CAMKMT: variants seen among roughly 807,000 people sequenced by gnomAD.
CAMKMT encodes the protein CaM KMT.
In CAMKMT, 53 loss-of-function variants were observed where a neutral mutation model predicts 48.0. That is an observed-to-expected ratio of 1.10 (90% CI 0.89 to 1.39). The LOEUF (loss-of-function observed/expected upper bound fraction) is 1.39, where lower values mean the gene tolerates loss of function less well. Among genes scored for constraint, CAMKMT ranks in the 40% most tolerant of loss-of-function variants. The pLI, the probability that CAMKMT is intolerant of heterozygous loss-of-function variation, is 0.00. For missense variants in CAMKMT, 428 were observed against 402.7 expected (o/e 1.06, Z -0.54); for synonymous variants, 165 against 152.3 (o/e 1.08, Z -0.61).
intron 7 of CAMKMT, among the ~76,000 whole-genome samples, chr2:44,730,525 G>A (rs1679025763): frequency 6.6e-6 from 1 of 152,198 alleles, no homozygotes; most frequent in African/African-American, 2.4e-5. Context: ...AACATTTATA[G>A]ACAGACGACT....
chr2:44,362,761 C>G (rs1177818916), intron 1 of CAMKMT, among the ~76,000 whole-genome samples: 1 of 152,206 alleles, frequency 6.6e-6, no homozygotes, highest in East Asian at 1.9e-4. Context: ...CCAAGGTGGG[C>G]TAGTCAAAGT....
chr2:44,373,960 CA>C (rs11324956), intron 2 of CAMKMT, among the ~76,000 whole-genome samples: 80,280 of 151,060 alleles, frequency 0.53, 23,550 homozygotes, highest in Non-Finnish European at 0.66. Context: ...CCCACCTTTA[CA>C]AAAAATACAA....
At chr2:44,466,887 C>A (rs183352198) in intron 3 of CAMKMT, among the ~76,000 whole-genome samples, 1 of 152,256 alleles carries the variant, frequency 6.6e-6, no homozygotes, top group East Asian at 1.9e-4. Context: ...AATTACACAG[C>A]AACACATTTG....
chr2:44,598,471 T>C (rs1670798206), intron 3 of CAMKMT, among the ~76,000 whole-genome samples: 1 of 151,694 alleles, frequency 6.6e-6, no homozygotes, highest in Admixed American at 6.6e-5. Flanking sequence ...CACTGTGCAT[T>C]TTTTTTACTT....
At chr2:44,771,929 C>A in intron 10 of CAMKMT, 107 bp from the exon 11 acceptor site, 2 of 694,526 alleles carry the variant, frequency 2.9e-6, no homozygotes. Flanking sequence ...TTTTCCAGAA[C>A]TATATATTTT....
intron 3 of CAMKMT, among the ~76,000 whole-genome samples, chr2:44,471,492 A>G (rs964661989): frequency 2.6e-5 from 4 of 151,844 alleles, no homozygotes; most frequent in African/African-American, 7.3e-5. Flanking sequence ...CCCAGTTACT[A>G]GGGAGGTTGA....
At chr2:44,486,454 T>A (rs1489902762) in intron 3 of CAMKMT, among the ~76,000 whole-genome samples, 1 of 152,326 alleles carries the variant, frequency 6.6e-6, no homozygotes, top group East Asian at 1.9e-4. Flanking sequence ...CAGTCTGGAA[T>A]GTGGATAAGA....
chr2:44,445,402 T>C (rs997823344), intron 3 of CAMKMT, among the ~76,000 whole-genome samples: 2 of 152,100 alleles, frequency 1.3e-5, no homozygotes, highest in African/African-American at 2.4e-5. Context: ...TGAGTAGCCA[T>C]TCATCTTCAG....
At chr2:44,469,193 A>T (rs889539849) in intron 3 of CAMKMT, among the ~76,000 whole-genome samples, 1 of 152,214 alleles carries the variant, frequency 6.6e-6, no homozygotes, top group Non-Finnish European at 1.5e-5. Context: ...TGATTTGATC[A>T]TTACACATTG....
intron 3 of CAMKMT, among the ~76,000 whole-genome samples, chr2:44,577,326 A>G (rs1378135394): frequency 6.6e-6 from 1 of 152,226 alleles, no homozygotes; most frequent in Admixed American, 6.5e-5. Flanking sequence ...ACCTGCATGC[A>G]GCAAGCCATA....
chr2:44,756,599 A>G (rs930662121), intron 9 of CAMKMT, among the ~76,000 whole-genome samples: 19 of 152,070 alleles, frequency 1.2e-4, no homozygotes, highest in African/African-American at 4.6e-4. Flanking sequence ...AAAATTAGCC[A>G]GGCGTGGTGG....
chr2:44,387,991 T>G lies in CAMKMT; in HGVS notation c.312-2250T>G, dbSNP rs146274719. 2.8e-4 allele frequency among the ~76,000 whole-genome samples: 43 copies of G among 152,334 alleles called. No homozygotes were observed. The East Asian group carries it at 6.9e-3, about 25-fold the overall frequency. On this transcript the variant is annotated intron_variant, in intron 2 of 10. Coordinates refer to ENST00000378494, the MANE Select transcript of CAMKMT (RefSeq NM_024766.5). ...TTTCCTTCATCTTAACTTTTGATAA[T>G]CGATGGCAGTGTGCCTGGGTGATGA...
intron 3 of CAMKMT, among the ~76,000 whole-genome samples, chr2:44,610,952 T>A (rs1671564156): frequency 6.6e-6 from 1 of 152,104 alleles, no homozygotes; most frequent in Non-Finnish European, 1.5e-5. Context: ...ATTTAACAAA[T>A]TGGGCCCAAG....
intron 3 of CAMKMT, among the ~76,000 whole-genome samples, chr2:44,617,228 C>A (rs551059096): frequency 6.6e-6 from 1 of 152,338 alleles, no homozygotes; most frequent in African/African-American, 2.4e-5. Flanking sequence ...CTCAAAGTCA[C>A]ATTCTAGCAG....
chr2:44,577,282 T>C (rs1056057662), intron 3 of CAMKMT, among the ~76,000 whole-genome samples: 8 of 152,218 alleles, frequency 5.3e-5, no homozygotes, highest in South Asian at 2.1e-4. Context: ...TTTGAAAACA[T>C]TGGAGAAATT....
intron 3 of CAMKMT, among the ~76,000 whole-genome samples, chr2:44,525,650 G>A (rs796396183): frequency 1.6e-4 from 25 of 152,152 alleles, no homozygotes; most frequent in East Asian, 7.7e-4. Context: ...TTATACCATC[G>A]TATGTCATGC....
At chr2:44,688,207 G>C (rs1676447435) in intron 3 of CAMKMT, among the ~76,000 whole-genome samples, 1 of 152,080 alleles carries the variant, frequency 6.6e-6, no homozygotes, top group Non-Finnish European at 1.5e-5. Flanking sequence ...AAAAAAAGGT[G>C]TTAAAGACAA....
At chr2:44,471,592 C>T (rs1668422177) in intron 3 of CAMKMT, among the ~76,000 whole-genome samples, 1 of 151,846 alleles carries the variant, frequency 6.6e-6, no homozygotes. Flanking sequence ...AGAGCAAGAC[C>T]CTGTCTCAGA....
chr2:44,626,137 A>T (rs1385397944), intron 3 of CAMKMT, among the ~76,000 whole-genome samples: 3 of 152,182 alleles, frequency 2.0e-5, no homozygotes, highest in Non-Finnish European at 4.4e-5. Flanking sequence ...AATAATATTG[A>T]GTCTTTTGAT....
Sources: gnomAD v4.1 joint callset for allele counts (sites outside exome capture counted in the v4.1 genomes callset) on GRCh38, gnomAD v4.1.1 for gene constraint, MANE v1.5 for transcripts, NCBI Gene and HGNC (gene_info 2026-07-23, HGNC 2026-07-21) for gene names.